The following TMEM80 variants were observed in gnomAD, a reference collection of about 807,000 sequenced individuals.
TMEM80 encodes transmembrane protein 80.
Under a neutral mutation model 13.6 loss-of-function variants are expected in TMEM80, and 16 were observed. The observed-to-expected ratio is 1.17, with a 90% CI of 0.79 to 1.78. The LOEUF (loss-of-function observed/expected upper bound fraction) is 1.78, where lower values mean the gene tolerates loss of function less well. TMEM80 is among the 40% of genes most tolerant of loss of function. TMEM80 has a pLI of 0.00. For missense variants in TMEM80, 167 were observed against 184.6 expected (o/e 0.90, Z 0.55); for synonymous variants, 92 against 89.5 (o/e 1.03, Z -0.16).
rs1028937439 is a variant in TMEM80, at chr11:703,887, A to C, written c.*737A>C. ...AGGGCCACATTCGGAGCCTCCGTCC[A>C]CTCCAGTTTTATCAGCTTTTGCCTT... On this transcript the variant is annotated 3_prime_UTR_variant, in exon 5 of 5. Coordinates refer to ENST00000397510, the MANE Select transcript of TMEM80 (RefSeq NM_001042463.3). The C allele has an allele frequency of 1.5e-5, 19 of 1,239,572 alleles. No individual in the cohort carries two copies. The African/African-American group carries it at 2.5e-4, about 16-fold the overall frequency. 76.8% of individuals were successfully genotyped at this position (1,239,572 alleles called of 1,614,324 possible). A position where few individuals can be genotyped will look rare whatever the true frequency, so the allele number is the denominator to read the frequency against.
chr11:702,608 CTTGGAA>C (rs1352432118), intron 4 of TMEM80, among the ~76,000 whole-genome samples: 1 of 152,276 alleles, frequency 6.6e-6, no homozygotes, highest in Non-Finnish European at 1.5e-5. Flanking sequence ...TTCAGTTCCA[CTTGGAA>C]TTAGGAAAAC....
rs902823912 is a variant in TMEM80 at position 695,821 on chromosome 11, G to A, written c.-7G>A. ...ATCGCGACGGACCGGCGGGCGGGGC[G>A]GGTAAGATGGCGGCCCCGCGGCGAG... On this transcript the variant is annotated 5_prime_UTR_variant, in exon 1 of 5. Coordinates refer to ENST00000397510, the MANE Select transcript of TMEM80 (RefSeq NM_001042463.3). 8.1e-7 allele frequency: 1 copy of A among 1,231,500 alleles called. No individual in the cohort carries two copies. Among genetic ancestry groups the A allele is most frequent in the Non-Finnish European group, 1.0e-6 (1 of 986,818 alleles). The allele number at this position is 1,231,500 out of a possible 1,614,324, so 76.3% of individuals were successfully genotyped here.
At chr11:705,008 AC>A, downstream of TMEM80, 1 of 244,872 alleles carries the variant, frequency 4.1e-6, no homozygotes, top group South Asian at 4.6e-5. Flanking sequence ...TGGAGATCAA[AC>A]GGCAAAGGCT....
Position 703,515 on chromosome 11 carries a change from AG to A in TMEM80, c.*367del. 8.1e-7 allele frequency: 1 copy of A among 1,238,886 alleles called. No individual in the cohort carries two copies. The highest frequency in any genetic ancestry group is 1.5e-5 in the African/African-American group (1 of 64,654). The allele number at this position is 1,238,886 out of a possible 1,614,324, so 76.7% of individuals were successfully genotyped here. ...GGGAGGACAGAGCCCTTCAGAACAG[AG>A]GCCTCATCTCACTGCATCCCCCATC... On this transcript the variant is annotated 3_prime_UTR_variant, in exon 5 of 5. Coordinates refer to ENST00000397510, the MANE Select transcript of TMEM80 (RefSeq NM_001042463.3).
chr11:697,667 G>C (rs1476609891), intron 1 of TMEM80: 1 of 152,222 alleles, frequency 6.6e-6, no homozygotes, highest in African/African-American at 2.4e-5. Context: ...CCCAATTAAT[G>C]CGAAATCATC....
At chr11:699,057 T>G in intron 2 of TMEM80, 169 bp downstream of exon 2, 1 of 776,462 alleles carries the variant, frequency 1.3e-6, no homozygotes, top group African/African-American at 1.7e-5. Flanking sequence ...CTTCCTCGGA[T>G]CAGTTCTGCT....
intron 2 of TMEM80, 157 bp downstream of exon 2, chr11:699,045 A>T: frequency 1.2e-6 from 1 of 862,018 alleles, no homozygotes; most frequent in East Asian, 2.6e-5. Context: ...GAGTTGATGT[A>T]ACTTCCTCGG....
At chr11:704,300 CCTGGGCCTCCA>C, downstream of TMEM80, 1 of 715,870 alleles carries the variant, frequency 1.4e-6, no homozygotes. Flanking sequence ...GCGGGACTGT[CCTGGGCCTCCA>C]CTGGGGCTCC....
At chr11:704,914 G>T, downstream of TMEM80, 1 of 352,554 alleles carries the variant, frequency 2.8e-6, no homozygotes, top group Non-Finnish European at 5.6e-6. Context: ...GTGAGGGCAC[G>T]GGTGCACCGA....
intron 1 of TMEM80, among the ~76,000 whole-genome samples, chr11:697,012 T>TGGGGGGGG (rs1861212589): frequency 1.0e-5 from 1 of 95,558 alleles, no homozygotes; most frequent in African/African-American, 4.1e-5. Context: ...CCGGTGGTGG[T>TGGGGGGGG]GGTGGGGGGG....
Position 703,367 on chromosome 11 carries a change from G to A in TMEM80, c.*217G>A, listed in dbSNP as rs963095429. On this transcript the variant is annotated 3_prime_UTR_variant, in exon 5 of 5. Coordinates refer to ENST00000397510, the MANE Select transcript of TMEM80 (RefSeq NM_001042463.3). The stretch of plus-strand genomic sequence containing the variant: ...CTGGTGTTGGGAACAGCTGCGGGGA[G>A]GGTAGGGACCAGACAGAACTGCCTT... 6 of 1,393,238 alleles carry A rather than the reference G, an allele frequency of 4.3e-6. No homozygotes were observed. In the African/African-American group the frequency reaches 7.3e-5, roughly 17 times the overall value. 86.3% of individuals were successfully genotyped at this position (1,393,238 alleles called of 1,614,324 possible).
intron 4 of TMEM80, chr11:701,214 CTG>C (rs1263653281): frequency 2.8e-5 from 5 of 176,016 alleles, no homozygotes; most frequent in East Asian, 1.5e-4. Flanking sequence ...AGGTCTCACT[CTG>C]TTGCCCAGGC....
intron 2 of TMEM80, chr11:699,921 A>T (rs781734411): frequency 1.8e-5 from 10 of 550,198 alleles, no homozygotes; most frequent in Non-Finnish European, 3.3e-5. Flanking sequence ...TTGTTGTGGC[A>T]TGGAGGGGGG....
At chr11:702,130 G>GGA in intron 4 of TMEM80, among the ~76,000 whole-genome samples, 1 of 152,208 alleles carries the variant, frequency 6.6e-6, no homozygotes, top group Non-Finnish European at 1.5e-5. Context: ...CTGCGGGGAA[G>GGA]GGTGGCCCCC....
At chr11:700,053 A>G in intron 2 of TMEM80, 89 bp from the exon 3 acceptor site, 1 of 1,062,056 alleles carries the variant, frequency 9.4e-7, no homozygotes, top group South Asian at 1.4e-5. Flanking sequence ...TGGCCACCAA[A>G]CAGATGACAG....
At chr11:702,637 C>T (rs939347795) in intron 4 of TMEM80, among the ~76,000 whole-genome samples, 3 of 152,256 alleles carry the variant, frequency 2.0e-5, no homozygotes, top group African/African-American at 7.2e-5. Context: ...GGCAGATGCA[C>T]TTGAATCATT....
chr11:700,818 C>T (rs569312356), intron 4 of TMEM80, 111 bp downstream of exon 4: 12 of 1,020,660 alleles, frequency 1.2e-5, no homozygotes, highest in South Asian at 1.1e-4. Context: ...CATTTTTTAT[C>T]CAAACTGCTT....
At chr11:700,778 GTAAT>G in intron 4 of TMEM80, 71 bp downstream of exon 4, 2 of 1,392,622 alleles carry the variant, frequency 1.4e-6, no homozygotes, top group Non-Finnish European at 2.0e-6. Flanking sequence ...CCTTTCAAGA[GTAAT>G]TATTTTATAG....
chr11:703,611 C>T lies in TMEM80; in HGVS notation c.*461C>T. 8.1e-7 allele frequency: 1 copy of T among 1,232,938 alleles called. No homozygotes were observed. The allele number at this position is 1,232,938 out of a possible 1,614,324, so 76.4% of individuals were successfully genotyped here. A position where few individuals can be genotyped will look rare whatever the true frequency, so the allele number is the denominator to read the frequency against. On this transcript the variant is annotated 3_prime_UTR_variant, in exon 5 of 5. Coordinates refer to ENST00000397510, the MANE Select transcript of TMEM80 (RefSeq NM_001042463.3). ...AGTTTACTCCGTGGCCAGGCCCCAC[C>T]TGTGTTTCCAAGTCGGGCTGGAGAC...
Sources: gnomAD v4.1 joint callset for allele counts (sites outside exome capture counted in the v4.1 genomes callset) on GRCh38, gnomAD v4.1.1 for gene constraint, MANE v1.5 for transcripts, NCBI Gene and HGNC (gene_info 2026-07-23, HGNC 2026-07-21) for gene names.